The following DPP10 variants were observed in gnomAD, a reference collection of about 807,000 sequenced individuals.
DPP10 encodes the protein inactive dipeptidyl peptidase 10.
Under a neutral mutation model 120.9 loss-of-function variants are expected in DPP10, and 33 were observed. That is an observed-to-expected ratio of 0.27 (90% CI 0.21 to 0.37). The LOEUF is 0.37. Ranked by LOEUF, DPP10 falls within the 10% of genes least tolerant of loss-of-function variation. DPP10 has a pLI of 1.00. For synonymous variants in DPP10, 337 were observed against 326.1 expected (o/e 1.03, Z -0.36); for missense variants, 816 against 942.8 (o/e 0.87, Z 1.76).
chr2:115,403,095 T>C, intron 3 of DPP10, among the ~76,000 whole-genome samples: 1 of 151,156 alleles, frequency 6.6e-6, no homozygotes, highest in Non-Finnish European at 1.5e-5. Flanking sequence ...ATTCTTAGGA[T>C]GCAAAGATGG....
At chr2:114,448,395 G>A (rs939689747) in intron 1 of DPP10, among the ~76,000 whole-genome samples, 1 of 152,136 alleles carries the variant, frequency 6.6e-6, no homozygotes, top group African/African-American at 2.4e-5. Context: ...TGGTAAATTT[G>A]TGATGACAAA....
At chr2:115,468,068 T>G in intron 3 of DPP10, 1 of 418,396 alleles carries the variant, frequency 2.4e-6, no homozygotes, top group Admixed American at 2.8e-5. Flanking sequence ...GTCTGGAACC[T>G]GCGATGTCTT....
intron 3 of DPP10, among the ~76,000 whole-genome samples, chr2:115,486,097 T>A (rs2075760070): frequency 6.6e-6 from 1 of 152,136 alleles, no homozygotes; most frequent in Admixed American, 6.6e-5. Flanking sequence ...TTACACAAAT[T>A]TTCCACAGTG....
intron 1 of DPP10, among the ~76,000 whole-genome samples, chr2:114,861,148 T>G (rs1689779738): frequency 6.6e-6 from 1 of 152,208 alleles, no homozygotes; most frequent in South Asian, 2.1e-4. Flanking sequence ...GCCTGTGACA[T>G]GAACTCCACT....
chr2:115,550,881 T>A (rs1033721253), intron 5 of DPP10, among the ~76,000 whole-genome samples: 1 of 152,186 alleles, frequency 6.6e-6, no homozygotes, highest in African/African-American at 2.4e-5. Context: ...TCCGTAGTAG[T>A]AATCTGGCCC....
At chr2:115,100,645 C>A (rs2048648413) in intron 1 of DPP10, among the ~76,000 whole-genome samples, 1 of 151,956 alleles carries the variant, frequency 6.6e-6, no homozygotes, top group African/African-American at 2.4e-5. Context: ...GTGGCGGTAA[C>A]TAAGATGGCA....
At chr2:115,204,689 GCAACT>G (rs1282040965) in intron 1 of DPP10, among the ~76,000 whole-genome samples, 1 of 152,098 alleles carries the variant, frequency 6.6e-6, no homozygotes, top group Non-Finnish European at 1.5e-5. Flanking sequence ...AAGTAAGGAA[GCAACT>G]CAGTTTCATC....
chr2:114,611,707 A>T (rs1010079849), intron 1 of DPP10, among the ~76,000 whole-genome samples: 1 of 152,190 alleles, frequency 6.6e-6, no homozygotes. Context: ...TATTTAAATT[A>T]TTTCCAATCC....
chr2:114,461,617 T>C, intron 1 of DPP10: 1 of 985,392 alleles, frequency 1.0e-6, no homozygotes. Context: ...CCTAGAAGGC[T>C]TTAAGAAAGA....
intron 2 of DPP10, among the ~76,000 whole-genome samples, chr2:115,343,390 T>C (rs2063545824): frequency 6.6e-6 from 1 of 152,202 alleles, no homozygotes; most frequent in Non-Finnish European, 1.5e-5. Context: ...TAGTCATACA[T>C]AAGTCCCTCA....
At chr2:115,234,035 T>G (rs1332325409) in intron 1 of DPP10, 6 of 477,446 alleles carry the variant, frequency 1.3e-5, no homozygotes, top group Non-Finnish European at 2.5e-5. Context: ...ACCTTTATCT[T>G]GAAGAAAGGG....
chr2:114,841,982 G>A (rs1297933746), intron 1 of DPP10, among the ~76,000 whole-genome samples: 4 of 152,058 alleles, frequency 2.6e-5, no homozygotes, highest in South Asian at 4.1e-4. Flanking sequence ...ACATGAACTA[G>A]GCTAGAGCTA....
Position 115,037,624 on chromosome 2 carries a change from T to A in DPP10, c.61-271615T>A, listed in dbSNP as rs557800761. Among the ~76,000 whole-genome samples the A allele has an allele frequency of 7.2e-5, 11 of 152,328 alleles. 1 individual carries two copies. In the South Asian group the frequency reaches 2.3e-3, roughly 32 times the overall value. ...TTTGTTAATAATGCAGGCACCTGGA[T>A]TGACTCCAAATTATAATTTCCGTGC... On this transcript the variant is annotated intron_variant, in intron 1 of 25. Coordinates refer to ENST00000410059, the MANE Select transcript of DPP10 (RefSeq NM_020868.6).
chr2:115,171,358 C>CAA (rs752738778), intron 1 of DPP10, among the ~76,000 whole-genome samples: 6 of 114,388 alleles, frequency 5.2e-5, no homozygotes, highest in Non-Finnish European at 9.4e-5. Flanking sequence ...GAGACTCCAT[C>CAA]AAAAAAAAAA....
chr2:115,086,734 C>T (rs192268602), intron 1 of DPP10, among the ~76,000 whole-genome samples: 2 of 152,020 alleles, frequency 1.3e-5, no homozygotes, highest in Non-Finnish European at 1.5e-5. Context: ...GGGATTAGGG[C>T]GTGAGCCACC....
chr2:114,789,590 T>G (rs1037333967), intron 1 of DPP10, among the ~76,000 whole-genome samples: 1 of 152,202 alleles, frequency 6.6e-6, no homozygotes, highest in Non-Finnish European at 1.5e-5. Context: ...GGGATTCACA[T>G]GCACCTTAGA....
intron 1 of DPP10, among the ~76,000 whole-genome samples, chr2:115,274,520 G>A (rs147539596): frequency 6.8e-4 from 104 of 152,206 alleles, no homozygotes; most frequent in African/African-American, 2.4e-3. Context: ...GGGAAGAATT[G>A]TATAGCGTGT....
At chr2:115,412,157 C>A (rs151049242) in intron 3 of DPP10, among the ~76,000 whole-genome samples, 141 of 152,136 alleles carry the variant, frequency 9.3e-4, no homozygotes, top group Non-Finnish European at 1.7e-3. Flanking sequence ...GCTAAGCACA[C>A]ATAATTGCAC....
intron 3 of DPP10, among the ~76,000 whole-genome samples, chr2:115,400,375 A>T (rs879797457): frequency 1.3e-5 from 2 of 152,164 alleles, no homozygotes; most frequent in South Asian, 2.1e-4. Context: ...AAATGAATTT[A>T]TAATGGACTT....
Sources: gnomAD v4.1 joint callset for allele counts (sites outside exome capture counted in the v4.1 genomes callset) on GRCh38, gnomAD v4.1.1 for gene constraint, MANE v1.5 for transcripts, NCBI Gene and HGNC (gene_info 2026-07-23, HGNC 2026-07-21) for gene names.